The following PRKD1 variants were observed in gnomAD, a reference collection of about 807,000 sequenced individuals.
PRKD1 encodes the protein serine/threonine-protein kinase D1.
PRKD1 carries 63 observed loss-of-function variants against 95.9 expected under a neutral mutation model. The ratio of observed to expected loss-of-function variants is 0.66; its 90% CI spans 0.54 to 0.81. The LOEUF is 0.81. PRKD1 is among the 30% of genes least tolerant of loss of function. The pLI, the probability that PRKD1 is intolerant of heterozygous loss-of-function variation, is 0.00. For missense variants in PRKD1, 1,048 were observed against 1,165.3 expected (o/e 0.90, Z 1.47); for synonymous variants, 425 against 423.1 (o/e 1.00, Z -0.05).
chr14:29,739,610 T>C (rs529792458), intron 1 of PRKD1, among the ~76,000 whole-genome samples: 1 of 152,344 alleles, frequency 6.6e-6, no homozygotes, highest in South Asian at 2.1e-4. Flanking sequence ...ATTTTGGCTA[T>C]GAGATTCTAA....
At position 29,599,118 on chromosome 14, in the gene PRKD1, A is replaced by G; in HGVS notation, c.2075T>C (p.Val692Ala). 1 of 1,612,844 alleles carries G rather than the reference A, an allele frequency of 6.2e-7. No individual in the cohort carries two copies. Among genetic ancestry groups the G allele is most frequent in the Non-Finnish European group, 8.5e-7 (1 of 1,178,966 alleles). Residue 692 changes from valine (V) to alanine (A), a missense_variant, in exon 15 of 18, where the codon GTG becomes GCG. This residue lies in a region of PRKD1 where 739 missense variants were observed against 861.9 expected (regional missense o/e 0.86). Transcript: ENST00000331968. ...ITKFLITQIL[V>A]ALRHLHFKNI... ...TTTAAAATGAAGGTGCCGCAAAGCCACGAGTATCTGTAAAGAAGAATCACC... is the reference window on the plus strand; with the variant it reads ...TTTAAAATGAAGGTGCCGCAAAGCCGCGAGTATCTGTAAAGAAGAATCACC...
At chr14:29,612,057 G>A (rs1036185352) in intron 13 of PRKD1, among the ~76,000 whole-genome samples, 2 of 152,112 alleles carry the variant, frequency 1.3e-5, no homozygotes, top group Admixed American at 6.6e-5. Flanking sequence ...AATAATGTGT[G>A]CAGACACATA....
intron 1 of PRKD1, among the ~76,000 whole-genome samples, chr14:29,810,184 T>C (rs918074670): frequency 2.6e-5 from 4 of 152,156 alleles, no homozygotes; most frequent in Non-Finnish European, 5.9e-5. Context: ...CATAAAAATA[T>C]AATAAAAGTT....
At chr14:29,837,268 A>C (rs183551756) in intron 1 of PRKD1, among the ~76,000 whole-genome samples, 1 of 152,290 alleles carries the variant, frequency 6.6e-6, no homozygotes, top group African/African-American at 2.4e-5. Context: ...ATGAACAAAC[A>C]AACTCTACTA....
intron 1 of PRKD1, among the ~76,000 whole-genome samples, chr14:29,906,402 G>A (rs776831806): frequency 2.0e-5 from 3 of 152,076 alleles, no homozygotes; most frequent in Non-Finnish European, 4.4e-5. Context: ...AACTGGGCAT[G>A]GTGGTATGCT....
intron 9 of PRKD1, among the ~76,000 whole-genome samples, chr14:29,631,569 G>C (rs1057306085): frequency 6.6e-6 from 1 of 150,582 alleles, no homozygotes; most frequent in Non-Finnish European, 1.5e-5. Flanking sequence ...GCGTGATCTC[G>C]GCTCACTGCA....
At chr14:29,647,217 C>T (rs535223809) in intron 4 of PRKD1, among the ~76,000 whole-genome samples, 16 of 152,148 alleles carry the variant, frequency 1.1e-4, no homozygotes, top group African/African-American at 3.9e-4. Context: ...TACTAAAATA[C>T]AAGGTGATCT....
At chr14:29,663,094 TAA>T (rs1491460174) in intron 4 of PRKD1, among the ~76,000 whole-genome samples, 3 of 145,622 alleles carry the variant, frequency 2.1e-5, no homozygotes, top group Non-Finnish European at 3.0e-5. Context: ...ATATACTATA[TAA>T]TATATATAAT....
chr14:29,858,310 T>A (rs1205569288), intron 1 of PRKD1, among the ~76,000 whole-genome samples: 1 of 152,224 alleles, frequency 6.6e-6, no homozygotes, highest in Non-Finnish European at 1.5e-5. Context: ...CAAACTGGTT[T>A]TTACACTACT....
At position 29,615,928 on chromosome 14, in the gene PRKD1, G is replaced by C. The variant is rs1012689907; in HGVS notation, c.1905+8224C>G. Among the ~76,000 whole-genome samples the C allele has an allele frequency of 2.6e-5, 4 of 152,094 alleles. No individual in the cohort carries two copies. In the East Asian group the frequency reaches 7.7e-4, roughly 29 times the overall value. ...GTTTGGCTTTAGGCTGATTGGTTTC[G>C]GGTGAGGGCAGTACAGCAAAGTGGA... On this transcript the variant is annotated intron_variant, in intron 13 of 17. Transcript: ENST00000331968.
intron 1 of PRKD1, among the ~76,000 whole-genome samples, chr14:29,836,459 G>A (rs1891615073): frequency 6.6e-6 from 1 of 152,186 alleles, no homozygotes; most frequent in South Asian, 2.1e-4. Flanking sequence ...TAGGTGGGGT[G>A]CTCCTGAAGA....
intron 1 of PRKD1, among the ~76,000 whole-genome samples, chr14:29,854,011 A>C (rs1892407678): frequency 6.6e-6 from 1 of 152,186 alleles, no homozygotes; most frequent in Non-Finnish European, 1.5e-5. Context: ...TCTTTTGTAA[A>C]TTGCCCAGTC....
chr14:29,642,902 C>A (rs1333924289), intron 4 of PRKD1, among the ~76,000 whole-genome samples: 2 of 138,462 alleles, frequency 1.4e-5, no homozygotes, highest in South Asian at 4.7e-4. Context: ...CCTGAAAAAT[C>A]TGCAGAATGA....
chr14:29,596,992 T>C (rs1405466294), intron 16 of PRKD1, among the ~76,000 whole-genome samples: 2 of 152,048 alleles, frequency 1.3e-5, no homozygotes, highest in African/African-American at 2.4e-5. Flanking sequence ...ATACTAAACA[T>C]AGAGAAATAA....
At chr14:29,797,087 A>T (rs1378375027) in intron 1 of PRKD1, among the ~76,000 whole-genome samples, 1 of 152,230 alleles carries the variant, frequency 6.6e-6, no homozygotes, top group Non-Finnish European at 1.5e-5. Flanking sequence ...GTTACCTAGA[A>T]AACTTTGGAC....
intron 1 of PRKD1, among the ~76,000 whole-genome samples, chr14:29,811,290 C>T (rs534061778): frequency 4.7e-4 from 71 of 152,254 alleles, no homozygotes; most frequent in Admixed American, 9.2e-4. Flanking sequence ...CCCCCACATG[C>T]GCACCCACAG....
chr14:29,868,766 T>G (rs1440970196), intron 1 of PRKD1, among the ~76,000 whole-genome samples: 1 of 152,212 alleles, frequency 6.6e-6, no homozygotes, highest in Non-Finnish European at 1.5e-5. Context: ...TCTTTTGCTT[T>G]GCAAATGTTT....
chr14:29,889,714 G>A (rs529937784), intron 1 of PRKD1, among the ~76,000 whole-genome samples: 2 of 152,236 alleles, frequency 1.3e-5, no homozygotes, highest in East Asian at 3.9e-4. Flanking sequence ...ACAGGGAGGG[G>A]AACACCACAC....
intron 2 of PRKD1, among the ~76,000 whole-genome samples, chr14:29,693,977 T>C (rs1225946161): frequency 6.6e-6 from 1 of 152,166 alleles, no homozygotes; most frequent in Non-Finnish European, 1.5e-5. Context: ...AATCTCATCC[T>C]TACCCTTTTT....
Sources: gnomAD v4.1 joint callset for allele counts (sites outside exome capture counted in the v4.1 genomes callset) on GRCh38, gnomAD v4.1.1 for gene constraint, gnomAD v4.1.1 regional missense constraint, MANE v1.5 for transcripts, NCBI Gene and HGNC (gene_info 2026-07-23, HGNC 2026-07-21) for gene names.